JAKMIP1: variants seen among roughly 807,000 people sequenced by gnomAD.
The protein encoded by JAKMIP1 is janus kinase and microtubule interacting protein 1.
In JAKMIP1, 33 loss-of-function variants were observed where a neutral mutation model predicts 113.0. The observed-to-expected ratio is 0.29, with a 90% CI of 0.22 to 0.39. The LOEUF is 0.39. Among genes scored for constraint, JAKMIP1 ranks in the 10% least tolerant of loss-of-function variants. The pLI is 1.00. For synonymous variants in JAKMIP1, 480 were observed against 459.9 expected (o/e 1.04, Z -0.56); for missense variants, 813 against 1,080.5 (o/e 0.75, Z 3.47).
chr4:6,117,533 T>G (rs1560215582), intron 1 of JAKMIP1, among the ~76,000 whole-genome samples: 3 of 152,114 alleles, frequency 2.0e-5, no homozygotes, highest in Non-Finnish European at 4.4e-5. Context: ...GAAGTGAAAT[T>G]AAAATTGCTA....
Position 6,126,563 on chromosome 4 carries a change from CAG to C in JAKMIP1, c.-147-13568_-147-13567del, listed in dbSNP as rs556996363. On this transcript the variant is annotated intron_variant, in intron 1 of 20. Coordinates refer to ENST00000409021, the MANE Select transcript of JAKMIP1 (RefSeq NM_001099433.2). ...CACACACACACAAACACACACCATG[CAG>C]AAACACTCACACGCACACACACCAT... Among the ~76,000 whole-genome samples the C allele has an allele frequency of 6.5e-3, 966 of 149,542 alleles. 10 individuals are homozygous for C. Among genetic ancestry groups the C allele is most frequent in the African/African-American group, 0.023 (918 of 40,598 alleles).
intron 1 of JAKMIP1, among the ~76,000 whole-genome samples, chr4:6,113,712 G>T (rs549477136): frequency 6.6e-6 from 1 of 152,322 alleles, no homozygotes; most frequent in East Asian, 1.9e-4. Flanking sequence ...AGCTGCCTCG[G>T]AAAGCCCGCC....
chr4:6,041,148 A>G (rs1049698554), intron 17 of JAKMIP1, among the ~76,000 whole-genome samples: 1 of 152,066 alleles, frequency 6.6e-6, no homozygotes, highest in African/African-American at 2.4e-5. Context: ...CACTGAGCAC[A>G]CTTCTCCCTG....
intron 1 of JAKMIP1, among the ~76,000 whole-genome samples, chr4:6,159,402 T>C (rs1188731246): frequency 6.6e-6 from 1 of 151,876 alleles, no homozygotes; most frequent in Non-Finnish European, 1.5e-5. Flanking sequence ...AGCAAAAACA[T>C]CAAACCACAA....
chr4:6,136,910 C>A lies in JAKMIP1; in HGVS notation c.-147-23913G>T, dbSNP rs901884715. Among the ~76,000 whole-genome samples the A allele has an allele frequency of 6.6e-6, 1 of 152,142 alleles. No homozygotes were observed. Among genetic ancestry groups the A allele is most frequent in the Non-Finnish European group, 1.5e-5 (1 of 68,016 alleles). ...CACAGTTGCGTTGAAGTTTGGCAAG[C>A]GCATGGGATTCCACTGACCATGCCA... On this transcript the variant is annotated intron_variant, in intron 1 of 20. Coordinates refer to ENST00000409021, the MANE Select transcript of JAKMIP1 (RefSeq NM_001099433.2). This position sits in a 1 kb window ranked among gnomAD's most constrained non-coding sequence, Gnocchi z 5.9.
At chr4:6,063,291 G>C (rs1717575919) in intron 9 of JAKMIP1, among the ~76,000 whole-genome samples, 2 of 152,260 alleles carry the variant, frequency 1.3e-5, no homozygotes, top group African/African-American at 4.8e-5. Context: ...GGCCATGAGA[G>C]AGGATGAGGC....
rs1721805989 is a variant in JAKMIP1 at position 6,153,091 on chromosome 4, TC to T, written c.-147-40095del. ...CCAGCCCCACCCATGCACATCCCCC[TC>T]CCCTACCTGCCTGAAGACTACACAG... On this transcript the variant is annotated intron_variant, in intron 1 of 20. Coordinates refer to ENST00000409021, the MANE Select transcript of JAKMIP1 (RefSeq NM_001099433.2). The surrounding 1 kb of genome is among the most constrained non-coding windows in gnomAD (Gnocchi z 4.9). 6.6e-6 allele frequency among the ~76,000 whole-genome samples: 1 copy of T among 151,586 alleles called. No individual in the cohort carries two copies. The highest frequency in any genetic ancestry group is 1.5e-5 in the Non-Finnish European group (1 of 67,936).
intron 3 of JAKMIP1, among the ~76,000 whole-genome samples, chr4:6,101,897 C>G (rs1158602029): frequency 2.4e-5 from 2 of 82,618 alleles, no homozygotes; most frequent in African/African-American, 8.9e-5. Flanking sequence ...CAGAGCAAGA[C>G]TCAGTTAAAA....
At chr4:6,060,357 GC>G in intron 11 of JAKMIP1, 66 bp downstream of exon 11, 1 of 1,221,724 alleles carries the variant, frequency 8.2e-7, no homozygotes, top group Non-Finnish European at 1.2e-6. Context: ...ACAAGGGCGA[GC>G]CCCAGGGATA....
intron 19 of JAKMIP1, among the ~76,000 whole-genome samples, chr4:6,030,050 C>G (rs540522056): frequency 6.6e-6 from 1 of 152,128 alleles, no homozygotes; most frequent in Non-Finnish European, 1.5e-5. Context: ...AATAATGGAT[C>G]GTGCCTGTTC....
chr4:6,171,403 AACC>A (rs1724688281), intron 1 of JAKMIP1, among the ~76,000 whole-genome samples: 2 of 126,332 alleles, frequency 1.6e-5, no homozygotes, highest in Admixed American at 7.8e-5. Context: ...CATTATCACC[AACC>A]ACCACCATCA....
Position 6,158,061 on chromosome 4 carries a change from C to T in JAKMIP1, c.-148+42192G>A, listed in dbSNP as rs565109320. ...TATGAGGTAGGGCTCAAGCTGTCGG[C>T]CAGCGCCGTCCCTCTCCCTGTGTGA... On this transcript the variant is annotated intron_variant, in intron 1 of 20. Coordinates refer to ENST00000409021, the MANE Select transcript of JAKMIP1 (RefSeq NM_001099433.2). This position sits in a 1 kb window ranked among gnomAD's most constrained non-coding sequence, Gnocchi z 5.3. Among the ~76,000 whole-genome samples the T allele has an allele frequency of 5.3e-5, 8 of 152,286 alleles. No individual in the cohort carries two copies. The South Asian group carries it at 6.2e-4, about 12-fold the overall frequency.
chr4:6,077,257 G>A (rs941327598), intron 8 of JAKMIP1, among the ~76,000 whole-genome samples: 4 of 152,096 alleles, frequency 2.6e-5, no homozygotes, highest in African/African-American at 9.7e-5. Context: ...GGCTTTATAT[G>A]TGAAGCCACA....
intron 1 of JAKMIP1, among the ~76,000 whole-genome samples, chr4:6,132,809 C>T (rs1718694995): frequency 6.6e-6 from 1 of 152,062 alleles, no homozygotes; most frequent in Non-Finnish European, 1.5e-5. Flanking sequence ...ATAAAAGAGA[C>T]TGTTGGGGTG....
intron 1 of JAKMIP1, among the ~76,000 whole-genome samples, chr4:6,161,762 T>C (rs951621285): frequency 1.3e-5 from 2 of 152,010 alleles, no homozygotes; most frequent in Admixed American, 1.3e-4. Context: ...CTCTGGATGC[T>C]GGATGCTGTG....
At chr4:6,085,064 T>G in intron 4 of JAKMIP1, 99 bp from the exon 5 acceptor site, 1 of 1,378,320 alleles carries the variant, frequency 7.3e-7, no homozygotes, top group Non-Finnish European at 9.6e-7. Flanking sequence ...ACATAATGGG[T>G]GAGATCCTTA....
At position 6,081,661 on chromosome 4, in the gene JAKMIP1, A is replaced by G. The variant is rs1187608686; in HGVS notation, c.1049T>C (p.Ile350Thr). 1 of 1,614,106 alleles carries G rather than the reference A, an allele frequency of 6.2e-7. No individual in the cohort carries two copies. The highest frequency in any genetic ancestry group is 1.3e-5 in the African/African-American group (1 of 75,008). Residue 350 changes from isoleucine to threonine, a missense_variant, in exon 6 of 21, where the codon ATC (isoleucine) becomes ACC (threonine). By Grantham distance (89) the Ile-to-Thr change is moderately conservative. Coordinates refer to ENST00000409021, the MANE Select transcript of JAKMIP1 (RefSeq NM_001099433.2). This position sits in a 1 kb window ranked among gnomAD's most constrained non-coding sequence, Gnocchi z 4.6. ...NKKNEDLLQS[I>T]QRMEEKIKNL... The stretch of plus-strand genomic sequence containing the variant: ...CTTGATTTTCTCCTCCATCCTCTGG[A>G]TACTCTGCAACAGATCCTCATTCTT...
chr4:6,126,782 C>T (rs1717730302), intron 1 of JAKMIP1, among the ~76,000 whole-genome samples: 1 of 151,300 alleles, frequency 6.6e-6, no homozygotes, highest in African/African-American at 2.4e-5. Flanking sequence ...CACACCCATA[C>T]ACCACTCACA....
chr4:6,131,173 A>AAAAAAAAAAAT, intron 1 of JAKMIP1, among the ~76,000 whole-genome samples: 1 of 95,472 alleles, frequency 1.0e-5, no homozygotes, highest in African/African-American at 3.8e-5. Flanking sequence ...AAAAAAAAAA[A>AAAAAAAAAAAT]AATATCCCAG....
Sources: gnomAD v4.1 joint callset for allele counts (sites outside exome capture counted in the v4.1 genomes callset) on GRCh38, gnomAD v4.1.1 for gene constraint, Gnocchi (gnomAD v3.1) non-coding constraint, MANE v1.5 for transcripts, NCBI Gene and HGNC (gene_info 2026-07-23, HGNC 2026-07-21) for gene names.